CNTN5: variants seen among roughly 807,000 people sequenced by gnomAD.
CNTN5 encodes contactin 5, also known as contactin-5.
In CNTN5, 77 loss-of-function variants were observed where a neutral mutation model predicts 129.1. The observed-to-expected ratio is 0.60, with a 90% CI of 0.50 to 0.72. CNTN5 has a LOEUF of 0.72. Ranked by LOEUF, CNTN5 falls within the 30% of genes least tolerant of loss-of-function variation. The pLI, the probability that CNTN5 is intolerant of heterozygous loss-of-function variation, is 0.00. For missense variants in CNTN5, 1,478 were observed against 1,328.8 expected (o/e 1.11, Z -1.75); for synonymous variants, 509 against 465.6 (o/e 1.09, Z -1.20).
chr11:99,397,651 T>C (rs1248132209), intron 2 of CNTN5, among the ~76,000 whole-genome samples: 8 of 151,762 alleles, frequency 5.3e-5, no homozygotes, highest in East Asian at 1.9e-4. Flanking sequence ...TTCAGATAAA[T>C]TCTGTGCCCT....
intron 3 of CNTN5, among the ~76,000 whole-genome samples, chr11:99,635,593 G>A (rs777301997): frequency 5.9e-5 from 9 of 151,928 alleles, no homozygotes; most frequent in South Asian, 2.1e-4. Flanking sequence ...AGTAACCTCT[G>A]CAGGGAATTT....
chr11:99,647,520 A>T (rs2135867304), intron 3 of CNTN5, among the ~76,000 whole-genome samples: 1 of 151,800 alleles, frequency 6.6e-6, no homozygotes, highest in Admixed American at 6.6e-5. Context: ...TTCACTATTA[A>T]TGATCTTTTG....
intron 1 of CNTN5, among the ~76,000 whole-genome samples, chr11:99,289,927 TCTC>T (rs1199125818): frequency 6.6e-5 from 10 of 151,780 alleles, no homozygotes; most frequent in Non-Finnish European, 1.5e-4. Context: ...ATGATTATAG[TCTC>T]CTCGTGAACT....
intron 2 of CNTN5, among the ~76,000 whole-genome samples, chr11:99,384,770 AAAT>A (rs1418269066): frequency 6.6e-6 from 1 of 152,170 alleles, no homozygotes; most frequent in African/African-American, 2.4e-5. Flanking sequence ...ATTAATTGAC[AAAT>A]AATAATTGTA....
intron 2 of CNTN5, among the ~76,000 whole-genome samples, chr11:99,411,415 G>T (rs142740897): frequency 1.3e-5 from 2 of 152,168 alleles, no homozygotes; most frequent in African/African-American, 4.8e-5. Flanking sequence ...AGCTATTTGG[G>T]AGACTGAGGA....
At chr11:100,192,473 A>G (rs1213526268) in intron 14 of CNTN5, among the ~76,000 whole-genome samples, 1 of 152,026 alleles carries the variant, frequency 6.6e-6, no homozygotes, top group Non-Finnish European at 1.5e-5. Flanking sequence ...GACATGGAAC[A>G]TTAAAGGATC....
At chr11:100,068,932 C>G (rs1391566588) in intron 10 of CNTN5, among the ~76,000 whole-genome samples, 5 of 152,116 alleles carry the variant, frequency 3.3e-5, no homozygotes, top group Non-Finnish European at 7.4e-5. Context: ...GAGTCAAAAT[C>G]TGATTCATAA....
intron 2 of CNTN5, among the ~76,000 whole-genome samples, chr11:99,386,905 A>C (rs957182792): frequency 6.6e-6 from 1 of 152,102 alleles, no homozygotes; most frequent in South Asian, 2.1e-4. Flanking sequence ...ATTTAAACAA[A>C]AAAACTTTTA....
chr11:99,160,865 G>A (rs1860575667), intron 1 of CNTN5, among the ~76,000 whole-genome samples: 1 of 152,186 alleles, frequency 6.6e-6, no homozygotes, highest in Admixed American at 6.5e-5. Context: ...CATATTACAT[G>A]CCAAGAGAAG....
intron 6 of CNTN5, among the ~76,000 whole-genome samples, chr11:99,874,561 G>A (rs1948585874): frequency 6.6e-6 from 1 of 152,096 alleles, no homozygotes; most frequent in Non-Finnish European, 1.5e-5. Flanking sequence ...AACACATTAG[G>A]TTTGCAAGTT....
intron 2 of CNTN5, among the ~76,000 whole-genome samples, chr11:99,499,884 T>C (rs1946363436): frequency 6.6e-6 from 1 of 152,204 alleles, no homozygotes; most frequent in South Asian, 2.1e-4. Flanking sequence ...TCTTTATGTA[T>C]TGGGTGCCAT....
chr11:99,148,971 G>A (rs1032934458), intron 1 of CNTN5, among the ~76,000 whole-genome samples: 1 of 150,836 alleles, frequency 6.6e-6, no homozygotes, highest in African/African-American at 2.4e-5. Context: ...GTATGAGAGA[G>A]TTTTAGAACT....
In CNTN5 at chr11:99,844,417, T is replaced by C. The variant is rs537337459; in HGVS notation, c.278-435T>C. ...ATATAAAAAAATGCAAGAGGACTAATATTTTCATACCTGTAGCACCTAAGT... is the reference window on the plus strand; with the variant it reads ...ATATAAAAAAATGCAAGAGGACTAACATTTTCATACCTGTAGCACCTAAGT... On this transcript the variant is annotated intron_variant, in intron 4 of 24. Transcript: ENST00000524871. Among the ~76,000 whole-genome samples the C allele has an allele frequency of 9.5e-4, 145 of 152,330 alleles. 1 individual carries two copies. The highest frequency in any genetic ancestry group is 3.4e-3 in the African/African-American group (141 of 41,576).
At chr11:99,163,475 T>C (rs1860717154) in intron 1 of CNTN5, among the ~76,000 whole-genome samples, 1 of 152,076 alleles carries the variant, frequency 6.6e-6, no homozygotes, top group Non-Finnish European at 1.5e-5. Context: ...TTCTCAATTT[T>C]CTGTTTTTCA....
intron 3 of CNTN5, among the ~76,000 whole-genome samples, chr11:99,697,464 A>T (rs1954322686): frequency 6.6e-6 from 1 of 151,824 alleles, no homozygotes; most frequent in East Asian, 1.9e-4. Context: ...CATAAAATTA[A>T]TTATTAAAAC....
chr11:100,038,760 A>G (rs1211078294), intron 9 of CNTN5, among the ~76,000 whole-genome samples: 1 of 151,956 alleles, frequency 6.6e-6, no homozygotes, highest in Non-Finnish European at 1.5e-5. Flanking sequence ...GTTGGTTTAA[A>G]GTCTGTTTTA....
intron 1 of CNTN5, among the ~76,000 whole-genome samples, chr11:99,215,283 G>T (rs1422888229): frequency 6.6e-6 from 1 of 152,014 alleles, no homozygotes; most frequent in African/African-American, 2.4e-5. Flanking sequence ...CTTAGAAGGT[G>T]GAAAAGTCAC....
intron 15 of CNTN5, among the ~76,000 whole-genome samples, chr11:100,199,216 C>T (rs890625081): frequency 9.9e-5 from 15 of 151,778 alleles, no homozygotes; most frequent in Admixed American, 2.0e-4. Flanking sequence ...GGCGGAAGAT[C>T]TAACAAAGGC....
At chr11:99,579,191 T>C (rs1834896606) in intron 3 of CNTN5, among the ~76,000 whole-genome samples, 1 of 152,136 alleles carries the variant, frequency 6.6e-6, no homozygotes, top group Non-Finnish European at 1.5e-5. Context: ...TTGGTCTATA[T>C]CCTGTTTTGG....
Sources: gnomAD v4.1 joint callset for allele counts (sites outside exome capture counted in the v4.1 genomes callset) on GRCh38, gnomAD v4.1.1 for gene constraint, MANE v1.5 for transcripts, NCBI Gene and HGNC (gene_info 2026-07-23, HGNC 2026-07-21) for gene names.